The following OPHN1 variants were observed in gnomAD, a reference collection of about 807,000 sequenced individuals.
The protein encoded by OPHN1 is oligophrenin-1.
Under a neutral mutation model 60.7 loss-of-function variants are expected in OPHN1, and 11 were observed. The observed-to-expected ratio is 0.18, with a 90% CI of 0.11 to 0.30. The LOEUF is 0.30. Among genes scored for constraint, OPHN1 ranks in the 10% least tolerant of loss-of-function variants. The pLI, the probability that OPHN1 is intolerant of heterozygous loss-of-function variation, is 1.00. For synonymous variants in OPHN1, 226 were observed against 222.6 expected (o/e 1.02, Z -0.14); for missense variants, 449 against 611.0 (o/e 0.73, Z 2.80).
chrX:68,165,915 T>C (rs1210331086), intron 15 of OPHN1, among the ~76,000 whole-genome samples: 1 of 111,966 alleles, frequency 8.9e-6, no homozygotes, highest in Non-Finnish European at 1.9e-5. Context: ...ATAAGTTCAT[T>C]GAATTCTAGC....
chrX:68,113,297 C>A (rs760148202), intron 16 of OPHN1, 58 bp from the exon 17 acceptor site: 212 of 986,326 alleles, frequency 2.1e-4, no homozygotes, highest in Non-Finnish European at 3.0e-4. Flanking sequence ...GTATTGGATT[C>A]TTAGTTCTGG....
rs775275183 is a variant in OPHN1, at chrX:68,193,003, G to GA, written c.1202-11dup. ...CCTTCTGTCTTGATCCCTAGTGGAG[G>GA]AAAAAATCAGGTTAATTTCACTTGT... On this transcript the variant is annotated splice_polypyrimidine_tract_variant and intron_variant, in intron 14 of 24. Coordinates refer to ENST00000355520, the MANE Select transcript of OPHN1 (RefSeq NM_002547.3). 8.4e-7 allele frequency: 1 copy of GA among 1,188,173 alleles called. No individual in the cohort carries two copies. The highest frequency in any genetic ancestry group is 2.2e-5 in the Admixed American group (1 of 45,952).
rs557661157 is a variant in OPHN1 at position 68,376,321 on chromosome X, C to T, written c.154+56546G>A. 4.1e-4 allele frequency among the ~76,000 whole-genome samples: 46 copies of T among 111,516 alleles called. No homozygotes were observed. The South Asian group carries it at 0.017, about 42-fold the overall frequency. On this transcript the variant is annotated intron_variant, in intron 2 of 24. Coordinates refer to ENST00000355520, the MANE Select transcript of OPHN1 (RefSeq NM_002547.3). ...AGAAGGCTTTCTAGAGGAGGGGAAA[C>T]AGAAGCTGAGGATGTGAACTTAAAG...
chrX:68,188,124 T>A (rs953545619), intron 15 of OPHN1, among the ~76,000 whole-genome samples: 2 of 112,142 alleles, frequency 1.8e-5, no homozygotes, highest in African/African-American at 3.2e-5. Context: ...AAATTATTTT[T>A]GCTAAGTTAA....
intron 4 of OPHN1, among the ~76,000 whole-genome samples, chrX:68,280,825 A>C (rs2147602763): frequency 8.9e-6 from 1 of 111,777 alleles, no homozygotes; most frequent in South Asian, 3.7e-4. Flanking sequence ...GATTATTTTT[A>C]GGCTGTTAAA....
intron 15 of OPHN1, among the ~76,000 whole-genome samples, chrX:68,189,532 T>G (rs1248591628): frequency 9.8e-6 from 1 of 102,274 alleles, no homozygotes; most frequent in African/African-American, 3.6e-5. Context: ...CAGGCCCCAG[T>G]GTGTGATGTT....
intron 2 of OPHN1, among the ~76,000 whole-genome samples, chrX:68,306,284 C>T (rs2078144775): frequency 8.9e-6 from 1 of 112,166 alleles, no homozygotes; most frequent in Admixed American, 9.5e-5. Flanking sequence ...CTTAAACTAC[C>T]TCTGCTCCCA....
At chrX:68,133,100 A>G in intron 15 of OPHN1, 1 of 572,748 alleles carries the variant, frequency 1.7e-6, no homozygotes, top group Non-Finnish European at 3.1e-6. Flanking sequence ...TTTTCAGAAC[A>G]TAAAACTAGA....
intron 15 of OPHN1, among the ~76,000 whole-genome samples, chrX:68,143,541 A>G (rs189681970): frequency 1.7e-4 from 19 of 111,827 alleles, no homozygotes; most frequent in Admixed American, 1.1e-3. Context: ...TAGAACTGAC[A>G]ACATGACTCA....
intron 2 of OPHN1, among the ~76,000 whole-genome samples, chrX:68,300,354 T>C (rs1271808329): frequency 8.9e-6 from 1 of 112,516 alleles, no homozygotes; most frequent in Non-Finnish European, 1.9e-5. Flanking sequence ...CTGAAACAAA[T>C]TATAAGCCAA....
chrX:68,151,504 T>C (rs1203632999), intron 15 of OPHN1, among the ~76,000 whole-genome samples: 1 of 111,898 alleles, frequency 8.9e-6, no homozygotes, highest in African/African-American at 3.3e-5. Context: ...ACATTCAACC[T>C]GTTATGATTT....
chrX:68,132,526 A>C (rs1309140728), intron 15 of OPHN1, among the ~76,000 whole-genome samples: 1 of 78,182 alleles, frequency 1.3e-5, no homozygotes, highest in Non-Finnish European at 2.4e-5. Context: ...AGGAAGGGGA[A>C]TATCACACTC....
intron 2 of OPHN1, among the ~76,000 whole-genome samples, chrX:68,361,556 G>A (rs920654260): frequency 9.1e-6 from 1 of 110,012 alleles, no homozygotes; most frequent in African/African-American, 3.3e-5. Flanking sequence ...TTTAAAAGAA[G>A]TATAATTAAT....
intron 2 of OPHN1, among the ~76,000 whole-genome samples, chrX:68,423,648 G>A (rs2078841263): frequency 1.8e-5 from 2 of 110,942 alleles, no homozygotes; most frequent in Admixed American, 1.9e-4. Flanking sequence ...TGCTTATCTG[G>A]ACATTTCATA....
chrX:68,413,522 C>T (rs1162825304), intron 2 of OPHN1, among the ~76,000 whole-genome samples: 3 of 111,822 alleles, frequency 2.7e-5, no homozygotes, highest in Non-Finnish European at 5.6e-5. Context: ...CTTCCCCACA[C>T]GCCCACCCAG....
At chrX:68,307,434 T>A (rs2078150957) in intron 2 of OPHN1, among the ~76,000 whole-genome samples, 2 of 101,179 alleles carry the variant, frequency 2.0e-5, no homozygotes, top group Non-Finnish European at 3.9e-5. Context: ...TCAGCCTGGG[T>A]GACAGAGCGA....
intron 5 of OPHN1, among the ~76,000 whole-genome samples, chrX:68,274,335 A>C (rs1386761909): frequency 8.9e-6 from 1 of 112,397 alleles, no homozygotes; most frequent in Non-Finnish European, 1.9e-5. Flanking sequence ...CCTAGTGCTC[A>C]ATATAGCAGG....
rs4827417 is a variant in OPHN1 at position 68,408,479 on chromosome X, T to C, written c.154+24388A>G. On this transcript the variant is annotated intron_variant, in intron 2 of 24. Transcript: ENST00000355520. ...CAGGACAACATTCTCTCCCACGGAA[T>C]AGTGCACAGCGAAAACCACTTAAGC... 6.9e-3 allele frequency among the ~76,000 whole-genome samples: 770 copies of C among 112,130 alleles called. 28 individuals carry two copies. The highest frequency in any genetic ancestry group is 0.062 in the Admixed American group (646 of 10,461).
At chrX:68,265,845 A>T in intron 5 of OPHN1, among the ~76,000 whole-genome samples, 3 of 111,787 alleles carry the variant, frequency 2.7e-5, no homozygotes, top group Middle Eastern at 4.6e-3. Context: ...GACCTGAAGG[A>T]GCTGAAAGTC....
Sources: gnomAD v4.1 joint callset for allele counts (sites outside exome capture counted in the v4.1 genomes callset) on GRCh38, gnomAD v4.1.1 for gene constraint, MANE v1.5 for transcripts, NCBI Gene and HGNC (gene_info 2026-07-23, HGNC 2026-07-21) for gene names.